Variants in OSBPL9 observed in about 807,000 individuals in gnomAD.
OSBPL9 encodes the protein oxysterol binding protein like 9, also known as oxysterol-binding protein-related protein 9.
In OSBPL9, 40 loss-of-function variants were observed where a neutral mutation model predicts 106.6. The observed-to-expected ratio is 0.38, with a 90% CI of 0.29 to 0.49. OSBPL9 has a LOEUF of 0.49. Among genes scored for constraint, OSBPL9 ranks in the 20% least tolerant of loss-of-function variants. The pLI is 0.97. For synonymous variants in OSBPL9, 269 were observed against 295.4 expected (o/e 0.91, Z 0.92); for missense variants, 609 against 887.2 (o/e 0.69, Z 3.98).
chr1:51,723,507 CCT>C (rs1662524778), intron 4 of OSBPL9, among the ~76,000 whole-genome samples: 1 of 151,920 alleles, frequency 6.6e-6, no homozygotes. Flanking sequence ...TCTTTTCTTC[CCT>C]GTCTTCCTTC....
intron 9 of OSBPL9, 71 bp from the exon 10 acceptor site, chr1:51,760,619 T>TGGGCATTTGGGAGGGTAGCATGAGAA (rs769341801): frequency 6.2e-7 from 1 of 1,602,594 alleles, no homozygotes; most frequent in Non-Finnish European, 8.5e-7. Flanking sequence ...GTCATAAATG[T>TGGGCATTTGGGAGGGTAGCATGAGAA]GGGCATTTGG....
At chr1:51,760,580 A>G (rs1671275928) in intron 9 of OSBPL9, 110 bp from the exon 10 acceptor site, 5 of 1,497,894 alleles carry the variant, frequency 3.3e-6, no homozygotes, top group Non-Finnish European at 4.5e-6. Context: ...TGATCAACAT[A>G]TCTATATAGC....
chr1:51,621,810 G>A (rs1467049057), intron 1 of OSBPL9, among the ~76,000 whole-genome samples: 1 of 152,062 alleles, frequency 6.6e-6, no homozygotes, highest in Non-Finnish European at 1.5e-5. Flanking sequence ...GGATTTTGTT[G>A]GAAGCATCAT....
At chr1:51,550,606 A>G in the OSBPL9 span, among the ~76,000 whole-genome samples, 1 of 152,176 alleles carries the variant, frequency 6.6e-6, no homozygotes, top group Non-Finnish European at 1.5e-5. Flanking sequence ...TTCGCCTCCC[A>G]GGTTCAAGCA....
the OSBPL9 span, among the ~76,000 whole-genome samples, chr1:51,553,337 C>T: frequency 2.6e-4 from 40 of 151,890 alleles, no homozygotes; most frequent in African/African-American, 9.0e-4. Flanking sequence ...ACGGCAAGAC[C>T]CCATCTCTAC....
intron 4 of OSBPL9, among the ~76,000 whole-genome samples, chr1:51,722,725 C>T (rs189575425): frequency 6.6e-6 from 1 of 152,236 alleles, no homozygotes; most frequent in Admixed American, 6.5e-5. Context: ...GCAATGGTGG[C>T]CTTGATCATA....
intron 17 of OSBPL9, among the ~76,000 whole-genome samples, chr1:51,783,160 T>C (rs1676786488): frequency 6.6e-6 from 1 of 152,066 alleles, no homozygotes; most frequent in Non-Finnish European, 1.5e-5. Flanking sequence ...ACTATTTATT[T>C]GTATTATTTT....
intron 9 of OSBPL9, chr1:51,760,403 G>A: frequency 3.6e-6 from 1 of 275,934 alleles, no homozygotes; most frequent in Non-Finnish European, 6.8e-6. Flanking sequence ...TTGAGAGGTG[G>A]TTTTGACTTC....
At chr1:51,744,301 G>A (rs1486185406) in intron 4 of OSBPL9, among the ~76,000 whole-genome samples, 2 of 152,120 alleles carry the variant, frequency 1.3e-5, no homozygotes, top group Admixed American at 1.3e-4. Context: ...ATAATAGGAG[G>A]AGGAGGATGC....
At chr1:51,590,091 G>C (rs1206375161) in intron 1 of OSBPL9, among the ~76,000 whole-genome samples, 1 of 151,412 alleles carries the variant, frequency 6.6e-6, no homozygotes, top group Non-Finnish European at 1.5e-5. Context: ...GGAAGCTCTT[G>C]TGGGTCATGG....
intron 4 of OSBPL9, among the ~76,000 whole-genome samples, chr1:51,741,487 T>G (rs1666895832): frequency 6.8e-6 from 1 of 147,128 alleles, no homozygotes; most frequent in Admixed American, 6.8e-5. Flanking sequence ...TTTCCTTCCC[T>G]TTTTTCTTTA....
intron 2 of OSBPL9, among the ~76,000 whole-genome samples, chr1:51,609,430 A>G (rs544770192): frequency 6.7e-6 from 1 of 150,052 alleles, no homozygotes; most frequent in African/African-American, 2.5e-5. Flanking sequence ...TGCAGCCTCA[A>G]CCACCTGGGC....
intron 2 of OSBPL9, among the ~76,000 whole-genome samples, chr1:51,606,777 G>A (rs181350103): frequency 1.3e-5 from 2 of 152,210 alleles, no homozygotes; most frequent in African/African-American, 2.4e-5. Context: ...TGCCGGGCGC[G>A]GTGGCTCACG....
rs1355900709 is a variant in OSBPL9 at position 51,617,212 on chromosome 1, C to T, written c.102C>T (p.Ser34=). Residue 34 remains serine, a synonymous_variant, in exon 1 of 24, where the codon TCC becomes TCT. Coordinates refer to ENST00000428468, the MANE Select transcript of OSBPL9 (RefSeq NM_024586.6). ...FVLDYNAGLL[S]YYTSKDKMMR... is the part of the protein sequence containing the mutation. ...TGGACTACAATGCAGGACTGCTCTC[C>T]TACTACACGGTGAGTCCTTGGAGGG... 2.5e-6 allele frequency: 4 copies of T among 1,611,464 alleles called. No homozygotes were observed. The Admixed American group carries it at 5.0e-5, about 20-fold the overall frequency.
At chr1:51,715,810 C>T (rs1026192214) in intron 4 of OSBPL9, among the ~76,000 whole-genome samples, 1 of 152,160 alleles carries the variant, frequency 6.6e-6, no homozygotes, top group Non-Finnish European at 1.5e-5. Flanking sequence ...TGTGTGATGT[C>T]CTTTCTCTGT....
chr1:51,591,357 C>A (rs1384351930), intron 1 of OSBPL9, among the ~76,000 whole-genome samples: 1 of 152,192 alleles, frequency 6.6e-6, no homozygotes, highest in Non-Finnish European at 1.5e-5. Context: ...CAGGCGTGAG[C>A]CACCACCCCT....
At chr1:51,634,327 A>G (rs1306738326) in intron 1 of OSBPL9, among the ~76,000 whole-genome samples, 3 of 152,186 alleles carry the variant, frequency 2.0e-5, no homozygotes, top group Non-Finnish European at 4.4e-5. Context: ...GGAGCATAAA[A>G]CAGAGTTTAA....
chr1:51,762,576 TTTC>T (rs1380873849), intron 11 of OSBPL9, among the ~76,000 whole-genome samples: 2 of 152,248 alleles, frequency 1.3e-5, no homozygotes, highest in Admixed American at 1.3e-4. Context: ...ACTTGCATAC[TTTC>T]TTATTATGAA....
At chr1:51,560,081 A>T in the OSBPL9 span, among the ~76,000 whole-genome samples, 67 of 152,352 alleles carry the variant, frequency 4.4e-4, no homozygotes, top group Admixed American at 3.5e-3. Context: ...AAATAAATAA[A>T]GTAGAAAATA....
Sources: allele counts gnomAD v4.1 joint callset (sites outside exome capture counted in the v4.1 genomes callset), GRCh38; gene constraint gnomAD v4.1.1; transcripts MANE v1.5; gene names NCBI Gene and HGNC (gene_info 2026-07-23, HGNC 2026-07-21).